HEXA: variants seen among roughly 807,000 people sequenced by gnomAD.
The protein encoded by HEXA is hexosaminidase subunit alpha, also known as beta-hexosaminidase subunit alpha.
A neutral mutation model predicts 73.3 loss-of-function variants in HEXA; 54 were observed. The observed-to-expected ratio is 0.74, with a 90% CI of 0.59 to 0.92. The LOEUF is 0.92. HEXA is among the 40% of genes least tolerant of loss of function. The probability of loss-of-function intolerance (pLI) is 0.00; values close to 1 mark genes in which losing one functional copy is unlikely to be tolerated. For synonymous variants in HEXA, 230 were observed against 246.9 expected (o/e 0.93, Z 0.64); for missense variants, 649 against 653.0 (o/e 0.99, Z 0.07).
Position 72,343,966 on chromosome 15 carries a change from C to A in HEXA, c.*111G>T. ...CCCTTTCTCTCCAAGCACAGGGGCA[C>A]GCAGGCAAGGGGCACGAAGGCAAGG... On this transcript the variant is annotated 3_prime_UTR_variant, in exon 14 of 14. Transcript: ENST00000268097. 1 of 865,850 alleles carries A rather than the reference C, an allele frequency of 1.2e-6. No homozygotes were observed. The highest frequency in any genetic ancestry group is 1.7e-5 in the African/African-American group (1 of 60,410). 53.6% of individuals were successfully genotyped at this position (865,850 alleles called of 1,614,324 possible). A position where few individuals can be genotyped will look rare whatever the true frequency, so the allele number is the denominator to read the frequency against.
intron 5 of HEXA, among the ~76,000 whole-genome samples, chr15:72,352,511 A>G (rs1404030345): frequency 6.6e-6 from 1 of 152,092 alleles, no homozygotes; most frequent in African/African-American, 2.4e-5. Flanking sequence ...CTGCCAATGA[A>G]GCCAATTCCC....
At chr15:72,363,383 G>A (rs922252114) in intron 1 of HEXA, among the ~76,000 whole-genome samples, 2 of 152,216 alleles carry the variant, frequency 1.3e-5, no homozygotes, top group East Asian at 1.9e-4. Flanking sequence ...AAGGCTTGAC[G>A]TTGAAGGGGA....
At chr15:72,351,298 G>C in intron 5 of HEXA, 64 bp from the exon 6 acceptor site, 1 of 1,089,986 alleles carries the variant, frequency 9.2e-7, no homozygotes. Flanking sequence ...TCAAACTTGC[G>C]ATGTTGGGCG....
intron 1 of HEXA, among the ~76,000 whole-genome samples, chr15:72,363,611 ACCTC>A (rs2088880402): frequency 6.6e-6 from 1 of 151,988 alleles, no homozygotes; most frequent in Non-Finnish European, 1.5e-5. Flanking sequence ...AGATCATGGT[ACCTC>A]CTCCTGTAAG....
rs762382202 is a variant in HEXA, at chr15:72,375,853, G to A, written c.120C>T (p.Tyr40=). The A allele has an allele frequency of 2.5e-6, 4 of 1,614,274 alleles. No individual in the cohort carries two copies. In the Admixed American group the frequency reaches 6.7e-5, roughly 27 times the overall value. ...CGTACTGGAATTGAAAGTTGTTCGG[G>A]TAAAGGACGTAGCGCTGGTCGGAGG... ...FQTSDQRYVL[Y]PNNFQFQYDV... Residue 40 remains tyrosine (Y), a synonymous_variant, in exon 1 of 14, where the codon TAC becomes TAT. Transcript: ENST00000268097.
chr15:72,368,640 A>T (rs1308745483), intron 1 of HEXA, among the ~76,000 whole-genome samples: 1 of 152,202 alleles, frequency 6.6e-6, no homozygotes, highest in Non-Finnish European at 1.5e-5. Context: ...CCTATGGCAA[A>T]GCCACACTCT....
chr15:72,368,761 G>A (rs1177375294), intron 1 of HEXA, among the ~76,000 whole-genome samples: 1 of 152,158 alleles, frequency 6.6e-6, no homozygotes, highest in Admixed American at 6.5e-5. Flanking sequence ...CAAAATACAA[G>A]AGGGACATGG....
chr15:72,345,937 A>T (rs1164687815), intron 12 of HEXA: 1 of 539,256 alleles, frequency 1.9e-6, no homozygotes, highest in Non-Finnish European at 3.3e-6. Context: ...GGAATCATGG[A>T]TGCTTGTGCT....
chr15:72,370,627 T>A (rs1434464093), intron 1 of HEXA: 133 of 395,510 alleles, frequency 3.4e-4, no homozygotes, highest in Admixed American at 1.3e-3. Context: ...AGTCCTGGAG[T>A]TCGAGGTTGC....
At chr15:72,347,598 G>C in intron 10 of HEXA, 88 bp downstream of exon 10, 2 of 1,043,004 alleles carry the variant, frequency 1.9e-6, no homozygotes, top group South Asian at 1.3e-5. Context: ...CAAACCAGGA[G>C]GATCAGTCTC....
At position 72,375,976 on chromosome 15, in the gene HEXA, C is replaced by T. The variant is rs766510036; in HGVS notation, c.-4G>A. On this transcript the variant is annotated 5_prime_UTR_variant, in exon 1 of 14. Coordinates refer to ENST00000268097, the MANE Select transcript of HEXA (RefSeq NM_000520.6). The stretch of plus-strand genomic sequence containing the variant: ...ACCAAAGCCTGGAGCTTGTCATGGC[C>T]CGCTGGTCTCCCCTCTCGGAGGGGG... 4.5e-4 allele frequency: 729 copies of T among 1,612,976 alleles called. 12 individuals carry two copies. The Admixed American group carries it at 0.012, about 26-fold the overall frequency.
rs776967919 is a variant in HEXA, at chr15:72,356,580, G to A, written c.291C>T (p.Val97=). Reference sequence around the variant, plus strand: ...GGTTACATCCAGGTGTGACTACAGAGACAACCAACACATTCTTCTCCAGTG... The same window carrying A: ...GGTTACATCCAGGTGTGACTACAGAAACAACCAACACATTCTTCTCCAGTG... The part of the protein sequence containing the change: ...RHTLEKNVLV[V]SVVTPGCNQL... Residue 97 remains valine (V), a synonymous_variant, in exon 2 of 14, where the codon GTC becomes GTT. Coordinates refer to ENST00000268097, the MANE Select transcript of HEXA (RefSeq NM_000520.6). 3.1e-6 allele frequency: 5 copies of A among 1,613,958 alleles called. No homozygotes were observed. Among genetic ancestry groups the A allele is most frequent in the Middle Eastern group, 1.6e-4 (1 of 6,084 alleles).
intron 1 of HEXA, among the ~76,000 whole-genome samples, chr15:72,366,776 G>C (rs576826436): frequency 1.3e-5 from 2 of 152,130 alleles, no homozygotes; most frequent in East Asian, 3.9e-4. Flanking sequence ...CCCTCCTGTG[G>C]TTGCCTTTTG....
At chr15:72,374,602 C>T (rs958356369) in intron 1 of HEXA, among the ~76,000 whole-genome samples, 22 of 152,164 alleles carry the variant, frequency 1.4e-4, no homozygotes, top group African/African-American at 5.3e-4. Flanking sequence ...AACATCTATA[C>T]AATATAACCA....
chr15:72,354,050 G>A, intron 3 of HEXA: 1 of 463,400 alleles, frequency 2.2e-6, no homozygotes, highest in Non-Finnish European at 3.9e-6. Context: ...ATTGAGAAGA[G>A]AGGCCAAGAC....
rs971159093 is a variant in HEXA, at chr15:72,369,083, A to G, written c.253+6637T>C. On this transcript the variant is annotated intron_variant, in intron 1 of 13. Transcript: ENST00000268097. ...GCCTAACCAGCCTCAAGATGTGGAC[A>G]CAACAATAGCATACAGCAGTTGGCT... Among the ~76,000 whole-genome samples the G allele has an allele frequency of 3.3e-5, 5 of 152,218 alleles. No individual in the cohort carries two copies. In the South Asian group the frequency reaches 1.0e-3, roughly 32 times the overall value.
Position 72,345,443 on chromosome 15 carries a change from T to G in HEXA, c.1526+3A>C, listed in dbSNP as rs1404671279. On this transcript the variant is annotated splice_donor_region_variant and intron_variant, in intron 13 of 13. Coordinates refer to ENST00000268097, the MANE Select transcript of HEXA (RefSeq NM_000520.6). ...CCTTGCGAAGGCCCCACAGCTTGCT[T>G]ACCTCAGCAATTCACAGCGGAAGTG... The G allele has an allele frequency of 6.2e-7, 1 of 1,614,066 alleles. No individual in the cohort carries two copies. The highest frequency in any genetic ancestry group is 1.3e-5 in the African/African-American group (1 of 74,936).
chr15:72,348,032 C>G lies in HEXA; in HGVS notation c.1073+16G>C. ...GGACCCCCAAGGGACCCCACCCACC[C>G]TCCTTCCTTCCTCACGTCTGGATGT... On this transcript the variant is annotated intron_variant, in intron 9 of 13. Coordinates refer to ENST00000268097, the MANE Select transcript of HEXA (RefSeq NM_000520.6). The G allele has an allele frequency of 6.3e-7, 1 of 1,586,002 alleles. No homozygotes were observed. The highest frequency in any genetic ancestry group is 1.1e-5 in the South Asian group (1 of 90,456).
chr15:72,356,627 C>A lies in HEXA; in HGVS notation c.254-10G>T. 6.2e-7 allele frequency: 1 copy of A among 1,614,002 alleles called. No individual in the cohort carries two copies. The highest frequency in any genetic ancestry group is 1.1e-5 in the South Asian group (1 of 91,064). On this transcript the variant is annotated splice_polypyrimidine_tract_variant and intron_variant, in intron 1 of 13. Coordinates refer to ENST00000268097, the MANE Select transcript of HEXA (RefSeq NM_000520.6). The stretch of plus-strand genomic sequence containing the variant: ...AGTGTATGCCGTTTCCCTAGGAAGA[C>A]AGGGTAAGCTTGGTGCGGCCAACCT...
Sources: gnomAD v4.1 joint callset for allele counts (sites outside exome capture counted in the v4.1 genomes callset) on GRCh38, gnomAD v4.1.1 for gene constraint, MANE v1.5 for transcripts, NCBI Gene and HGNC (gene_info 2026-07-23, HGNC 2026-07-21) for gene names.